Variants in REXO1 observed in about 807,000 individuals in gnomAD.
The protein encoded by REXO1 is RNA exonuclease 1 homolog, also known as REX1, RNA exonuclease 1 homolog.
Under a neutral mutation model 102.6 loss-of-function variants are expected in REXO1, and 42 were observed. The observed-to-expected ratio is 0.41, with a 90% CI of 0.32 to 0.53. The LOEUF is 0.53. REXO1 is among the 20% of genes least tolerant of loss of function. The pLI is 0.27. For synonymous variants in REXO1, 908 were observed against 779.1 expected, an observed-to-expected ratio of 1.17 and a Z score of -2.76; for missense variants, 1,819 against 1,732.5, an observed-to-expected ratio of 1.05 and a Z score of -0.89.
rs935542669 is a variant in REXO1 at position 1,823,543 on chromosome 19, CGGCACAGGCCCCCT to C, written c.2230+15_2230+28del. 7.8e-7 allele frequency: 1 copy of C among 1,279,218 alleles called. No individual in the cohort carries two copies. The highest frequency in any genetic ancestry group is 1.5e-5 in the African/African-American group (1 of 64,612). The allele number at this position is 1,279,218 out of a possible 1,614,324, so 79.2% of individuals were successfully genotyped here. A position where few individuals can be genotyped will look rare whatever the true frequency, so the allele number is the denominator to read the frequency against. ...TCCTGCCCACATGCCCACGGCCCCCCGGCACAGGCCCCCTGGGCCAGGACTCACCTGCAGCCAGG... is the reference window on the plus strand; with the variant it reads ...TCCTGCCCACATGCCCACGGCCCCCCGGGCCAGGACTCACCTGCAGCCAGG... On this transcript the variant is annotated intron_variant, in intron 4 of 15. Transcript: ENST00000170168.
chr19:1,817,885 T>C (rs1042236557), intron 10 of REXO1, 105 bp from the exon 11 acceptor site: 43 of 889,378 alleles, frequency 4.8e-5, no homozygotes, highest in Middle Eastern at 3.3e-4. Context: ...GAGTGAGGAC[T>C]GAGGACAGGA....
chr19:1,819,263 T>C, intron 7 of REXO1, 132 bp from the exon 8 acceptor site: 2 of 636,070 alleles, frequency 3.1e-6, no homozygotes, highest in South Asian at 2.1e-5. Context: ...AGCACCCCAC[T>C]GACCCCGGGT....
At chr19:1,838,552 CT>C in intron 1 of REXO1, among the ~76,000 whole-genome samples, 1 of 151,824 alleles carries the variant, frequency 6.6e-6, no homozygotes, top group East Asian at 1.9e-4. Context: ...GTAATCCCAG[CT>C]ACTCGGGAGG....
In REXO1 at chr19:1,818,066, C is replaced by T. The variant is rs990663653; in HGVS notation, c.3017-286G>A. Among the ~76,000 whole-genome samples, 7 of 152,134 alleles carry T rather than the reference C, an allele frequency of 4.6e-5. No homozygotes were observed. In the East Asian group the frequency reaches 7.7e-4, roughly 17 times the overall value. On this transcript the variant is annotated intron_variant, in intron 10 of 15. Coordinates refer to ENST00000170168, the MANE Select transcript of REXO1 (RefSeq NM_020695.4). The stretch of plus-strand genomic sequence containing the variant: ...TCCCTGAGGCGATGGCTTTAGGGGC[C>T]GCCACAGGGCTGTGCAAGGCTGGCC...
At chr19:1,825,979 C>G (rs2069708216) in intron 2 of REXO1, 36 bp from the exon 3 acceptor site, 5 of 1,501,030 alleles carry the variant, frequency 3.3e-6, no homozygotes, top group Admixed American at 1.7e-5. Context: ...ACAGGTCTGC[C>G]CTCGCTGCCA....
chr19:1,841,490 A>G (rs1262212216), intron 1 of REXO1, among the ~76,000 whole-genome samples: 1 of 152,254 alleles, frequency 6.6e-6, no homozygotes, highest in African/African-American at 2.4e-5. Context: ...CCCATCGTGC[A>G]GAAGAGCTCG....
chr19:1,841,781 C>G (rs368075973), intron 1 of REXO1, among the ~76,000 whole-genome samples: 1 of 152,114 alleles, frequency 6.6e-6, no homozygotes, highest in Non-Finnish European at 1.5e-5. Context: ...CCAGCAGGCA[C>G]GCTTGTCCCC....
chr19:1,822,034 ACCTGCTCATTGGCTTTGC>A (rs2069560637), intron 4 of REXO1: 1 of 507,350 alleles, frequency 2.0e-6, no homozygotes, highest in Admixed American at 4.1e-5. Context: ...GGGTGCCCCC[ACCTGCTCATTGGCTTTGC>A]CCTGCCCTGC....
At chr19:1,839,035 G>A (rs1482398888) in intron 1 of REXO1, among the ~76,000 whole-genome samples, 1 of 151,724 alleles carries the variant, frequency 6.6e-6, no homozygotes, top group African/African-American at 2.4e-5. Context: ...CGGGCGGACT[G>A]CCTTGAGCTC....
chr19:1,824,754 G>T (rs1221454978), intron 3 of REXO1, among the ~76,000 whole-genome samples: 1 of 151,378 alleles, frequency 6.6e-6, no homozygotes, highest in Non-Finnish European at 1.5e-5. Context: ...ATGTCCCAAA[G>T]AAATCAGAAG....
rs2069735959 is a variant in REXO1, at chr19:1,826,747, G to C, written c.1911+131C>G. 1 of 1,427,962 alleles carries C rather than the reference G, an allele frequency of 7.0e-7. No individual in the cohort carries two copies. Among genetic ancestry groups the C allele is most frequent in the African/African-American group, 1.4e-5 (1 of 69,146 alleles). The allele number at this position is 1,427,962 out of a possible 1,614,324, so 88.5% of individuals were successfully genotyped here. ...CTCCTGAGATTTCAACGGGCTCAGG[G>C]ACCAGCACTGAGGAGCTGCCTCCAC... On this transcript the variant is annotated intron_variant, in intron 2 of 15. Coordinates refer to ENST00000170168, the MANE Select transcript of REXO1 (RefSeq NM_020695.4). The surrounding 1 kb of genome is among the most constrained non-coding windows in gnomAD (Gnocchi z 4.3).
In REXO1 at chr19:1,828,342, G is replaced by C; in HGVS notation, c.447C>G (p.Phe149Leu). 1 of 1,609,980 alleles carries C rather than the reference G, an allele frequency of 6.2e-7. No individual in the cohort carries two copies. Among genetic ancestry groups the C allele is most frequent in the Non-Finnish European group, 8.5e-7 (1 of 1,178,516 alleles). The stretch of plus-strand genomic sequence containing the variant: ...GGCCGTGGCTGCCGGGGCTGTAGTC[G>C]AAGGCCAGTGGGAAGGCATCCTCGT... ...GPDEDAFPLA[F>L]DYSPGSHGLL... The change falls in exon 2 of 16, where the codon TTC (phenylalanine) becomes TTG (leucine). Residue 149 changes from phenylalanine to leucine, a missense_variant. Phe to Leu is a conservative substitution (Grantham distance 22). Coordinates refer to ENST00000170168, the MANE Select transcript of REXO1 (RefSeq NM_020695.4).
chr19:1,838,693 G>C (rs2011178413), intron 1 of REXO1, among the ~76,000 whole-genome samples: 1 of 152,026 alleles, frequency 6.6e-6, no homozygotes, highest in African/African-American at 2.4e-5. Context: ...AAACAGAAGG[G>C]TACAAATGGC....
intron 12 of REXO1, among the ~76,000 whole-genome samples, 177 bp from the exon 13 acceptor site, chr19:1,816,990 C>T (rs112302325): frequency 6.6e-6 from 1 of 152,192 alleles, no homozygotes; most frequent in Non-Finnish European, 1.5e-5. Flanking sequence ...TCGCAAAGCC[C>T]TCCTGCCTCC....
chr19:1,818,779 G>A lies in REXO1; in HGVS notation c.2829C>T (p.Gly943=). The part of the protein sequence containing the change: ...LLTQDQLKEN[G]YPFPHPERPG... ...GCCGCTCTGGGTGCGGGAAGGGGTA[G>A]CCGTTCTCCTTGAGCTGGTCCTGGG... Residue 943 remains glycine, a synonymous_variant, in exon 9 of 16, where the codon GGC becomes GGT. Transcript: ENST00000170168. The A allele has an allele frequency of 6.2e-7, 1 of 1,610,088 alleles. No homozygotes were observed. Among genetic ancestry groups the A allele is most frequent in the Non-Finnish European group, 8.5e-7 (1 of 1,179,898 alleles).
At chr19:1,847,298 T>C (rs182525128) in intron 1 of REXO1, among the ~76,000 whole-genome samples, 59 of 152,338 alleles carry the variant, frequency 3.9e-4, no homozygotes, top group Admixed American at 1.3e-4. Context: ...GATGTTTCTC[T>C]TTTGCAGGAA....
chr19:1,848,159 G>A (rs1368184350), intron 1 of REXO1, 43 bp downstream of exon 1: 2 of 1,043,484 alleles, frequency 1.9e-6, no homozygotes, highest in African/African-American at 1.7e-5. Context: ...CCAGACCCGG[G>A]CAGGGGAGCC....
intron 1 of REXO1, among the ~76,000 whole-genome samples, chr19:1,829,129 G>A (rs2145289777): frequency 6.6e-6 from 1 of 152,346 alleles, no homozygotes; most frequent in African/African-American, 2.4e-5. Context: ...TGGCGGAGGT[G>A]TGCCAGCAGT....
Position 1,826,960 on chromosome 19 carries a change from G to A in REXO1, c.1829C>T (p.Ser610Phe), listed in dbSNP as rs752580102. The A allele has an allele frequency of 1.2e-5, 19 of 1,573,828 alleles. No homozygotes were observed. The highest frequency in any genetic ancestry group is 8.6e-6 in the Non-Finnish European group (10 of 1,160,566). The change falls in exon 2 of 16, where the codon TCC (serine) becomes TTC (phenylalanine). Residue 610 changes from serine to phenylalanine, a missense_variant. Coordinates refer to ENST00000170168, the MANE Select transcript of REXO1 (RefSeq NM_020695.4). This position sits in a 1 kb window ranked among gnomAD's most constrained non-coding sequence, Gnocchi z 4.3. Reference protein sequence around the residue: ...SALEKEVDFDSDPMEECLRIF... With the variant: ...SALEKEVDFDFDPMEECLRIF... Reference sequence around the variant, plus strand: ...CCGCAGGCACTCCTCCATGGGGTCGGAGTCAAAGTCCACCTCCTTCTCCAG... The same window carrying A: ...CCGCAGGCACTCCTCCATGGGGTCGAAGTCAAAGTCCACCTCCTTCTCCAG...
Sources: gnomAD v4.1 joint callset for allele counts (sites outside exome capture counted in the v4.1 genomes callset) on GRCh38, gnomAD v4.1.1 for gene constraint, Gnocchi (gnomAD v3.1) non-coding constraint, MANE v1.5 for transcripts, NCBI Gene and HGNC (gene_info 2026-07-23, HGNC 2026-07-21) for gene names.